EXTL3: variants seen among roughly 807,000 people sequenced by gnomAD.
EXTL3 encodes the protein exostosin like glycosyltransferase 3, also known as exostosin-like 3.
Under a neutral mutation model 69.3 loss-of-function variants are expected in EXTL3, and 27 were observed. That is an observed-to-expected ratio of 0.39 (90% CI 0.29 to 0.54). The LOEUF is 0.54. EXTL3 is among the 20% of genes least tolerant of loss of function. The pLI, the probability that EXTL3 is intolerant of heterozygous loss-of-function variation, is 0.69. For synonymous variants in EXTL3, 511 were observed against 499.4 expected (o/e 1.02, Z -0.31); for missense variants, 1,003 against 1,231.8 (o/e 0.81, Z 2.78).
chr8:28,674,716 G>C (rs927703068), intron 1 of EXTL3, among the ~76,000 whole-genome samples: 2 of 152,122 alleles, frequency 1.3e-5, no homozygotes, highest in Non-Finnish European at 2.9e-5. Flanking sequence ...GGGATGTTTG[G>C]GAAAACTTTG....
intron 1 of EXTL3, among the ~76,000 whole-genome samples, chr8:28,650,768 A>G: frequency 6.6e-6 from 1 of 151,916 alleles, no homozygotes; most frequent in East Asian, 1.9e-4. Flanking sequence ...CCTTTAGTTG[A>G]TTGATCTAGT....
chr8:28,680,385 CA>C (rs34805922), intron 1 of EXTL3, among the ~76,000 whole-genome samples: 7,749 of 110,672 alleles, frequency 0.07, 234 homozygotes, highest in African/African-American at 0.12. Flanking sequence ...GACTCTGTCT[CA>C]AAAAAAAAAA....
At chr8:28,658,958 A>C (rs1281924344) in intron 1 of EXTL3, among the ~76,000 whole-genome samples, 1 of 152,236 alleles carries the variant, frequency 6.6e-6, no homozygotes, top group Admixed American at 6.5e-5. Flanking sequence ...TCTTCTACTC[A>C]AGGATATTTG....
intron 3 of EXTL3, among the ~76,000 whole-genome samples, chr8:28,723,599 T>C (rs1378704269): frequency 6.6e-6 from 1 of 151,998 alleles, no homozygotes; most frequent in East Asian, 1.9e-4. Flanking sequence ...TTCAGGTCAC[T>C]TGACTAACTG....
chr8:28,732,979 G>T (rs889462752), intron 4 of EXTL3, among the ~76,000 whole-genome samples: 1 of 152,186 alleles, frequency 6.6e-6, no homozygotes. Flanking sequence ...CAACCTGCCC[G>T]CCTCGGCCTC....
chr8:28,709,423 G>A (rs1800987656), intron 1 of EXTL3, among the ~76,000 whole-genome samples: 1 of 152,090 alleles, frequency 6.6e-6, no homozygotes, highest in South Asian at 2.1e-4. Context: ...TTCTCACTCT[G>A]TTCTCCCTTC....
chr8:28,646,999 A>G (rs968549298), intron 1 of EXTL3, among the ~76,000 whole-genome samples: 2 of 152,168 alleles, frequency 1.3e-5, no homozygotes, highest in African/African-American at 4.8e-5. Context: ...AACAAAACAG[A>G]GAAAAATCTC....
intron 3 of EXTL3, among the ~76,000 whole-genome samples, chr8:28,725,020 A>C (rs933994532): frequency 6.6e-6 from 1 of 152,138 alleles, no homozygotes; most frequent in African/African-American, 2.4e-5. Flanking sequence ...GAAGGGGATG[A>C]TGGAGAACTA....
intron 1 of EXTL3, among the ~76,000 whole-genome samples, chr8:28,668,283 AAAAAG>A (rs899926844): frequency 5.6e-5 from 8 of 143,512 alleles, no homozygotes; most frequent in Non-Finnish European, 9.0e-5. Flanking sequence ...AAAGAAAAGA[AAAAAG>A]AAAAGACAAA....
intron 1 of EXTL3, among the ~76,000 whole-genome samples, chr8:28,650,309 CTTTT>C (rs1806897895): frequency 6.7e-6 from 1 of 149,848 alleles, no homozygotes; most frequent in Non-Finnish European, 1.5e-5. Context: ...TTTTTCTTTT[CTTTT>C]TAATATGGAT....
chr8:28,720,495 G>A (rs1801272080), intron 3 of EXTL3, among the ~76,000 whole-genome samples: 1 of 152,182 alleles, frequency 6.6e-6, no homozygotes, highest in Non-Finnish European at 1.5e-5. Context: ...AGTGGAGAAG[G>A]ATTGTCTTAG....
chr8:28,714,812 C>T (rs1420814156), intron 2 of EXTL3, among the ~76,000 whole-genome samples: 1 of 152,212 alleles, frequency 6.6e-6, no homozygotes, highest in Admixed American at 6.5e-5. Context: ...CACTTTGTAT[C>T]ACAGCAACGT....
intron 1 of EXTL3, among the ~76,000 whole-genome samples, chr8:28,671,363 G>A (rs1400450320): frequency 6.9e-6 from 1 of 143,926 alleles, no homozygotes; most frequent in Non-Finnish European, 1.5e-5. Context: ...CTAGGCTGGA[G>A]TGCAGTGTCA....
chr8:28,616,326 G>T (rs1290919969), intron 2 of EXTL3, among the ~76,000 whole-genome samples: 1 of 151,522 alleles, frequency 6.6e-6, no homozygotes, highest in African/African-American at 2.4e-5. Context: ...GAGGCAGTCA[G>T]ACATAAAAGC....
In EXTL3 at chr8:28,717,860, T is replaced by A; in HGVS notation, c.1801T>A (p.Tyr601Asn). 1 of 1,613,062 alleles carries A rather than the reference T, an allele frequency of 6.2e-7. No individual in the cohort carries two copies. Among genetic ancestry groups the A allele is most frequent in the Non-Finnish European group, 8.5e-7 (1 of 1,179,040 alleles). The change falls in exon 3 of 7, where the codon TAC becomes AAC. Residue 601 changes from tyrosine (Y) to asparagine (N), a missense_variant. By Grantham distance (143) the Tyr-to-Asn change is moderately radical. This residue lies in a region of EXTL3 where 742 missense variants were observed against 815.4 expected (regional missense o/e 0.91). Transcript: ENST00000220562. This position sits in a 1 kb window ranked among gnomAD's most constrained non-coding sequence, Gnocchi z 8.3. ...RNFTLTVTDF[Y>N]RSWNCAPGPF... ...TTTCACTCTGACTGTCACTGACTTTTACCGCAGCTGGAACTGTGCTCCAGG... is the reference window on the plus strand; with the variant it reads ...TTTCACTCTGACTGTCACTGACTTTAACCGCAGCTGGAACTGTGCTCCAGG...
chr8:28,613,089 A>G (rs967670234), intron 2 of EXTL3, among the ~76,000 whole-genome samples: 3 of 152,144 alleles, frequency 2.0e-5, no homozygotes, highest in Admixed American at 6.6e-5. Flanking sequence ...ATCTTTGTTC[A>G]TGAAAGATAT....
chr8:28,620,679 G>A (rs934960564), upstream of EXTL3, among the ~76,000 whole-genome samples: 21 of 152,122 alleles, frequency 1.4e-4, 1 homozygote. Context: ...AATCAATTTG[G>A]TTTGACTATA....
chr8:28,694,467 G>A (rs758883909), intron 1 of EXTL3, among the ~76,000 whole-genome samples: 6 of 152,120 alleles, frequency 3.9e-5, no homozygotes, highest in East Asian at 1.9e-4. Flanking sequence ...AATTCACATC[G>A]CCATGGTCAG....
intron 1 of EXTL3, chr8:28,631,614 A>G (rs553223693): frequency 6.6e-6 from 1 of 152,348 alleles, no homozygotes; most frequent in East Asian, 1.9e-4. Context: ...CCTGCTGCTG[A>G]TGGGCGGACC....
Sources: allele counts gnomAD v4.1 joint callset (sites outside exome capture counted in the v4.1 genomes callset), GRCh38; gene constraint gnomAD v4.1.1; regional missense constraint gnomAD v4.1.1; non-coding constraint Gnocchi (gnomAD v3.1); transcripts MANE v1.5; gene names NCBI Gene and HGNC (gene_info 2026-07-23, HGNC 2026-07-21).